Variants in TMEM156 observed in about 807,000 individuals in gnomAD.
TMEM156 encodes transmembrane protein 156.
In TMEM156, 28 loss-of-function variants were observed where a neutral mutation model predicts 30.5. That is an observed-to-expected ratio of 0.92 (90% CI 0.68 to 1.26). The LOEUF (loss-of-function observed/expected upper bound fraction) is 1.26. Ranked by LOEUF, TMEM156 falls within the 50% of genes most tolerant of loss-of-function variation. The pLI is 0.00. For synonymous variants in TMEM156, 137 were observed against 119.9 expected (o/e 1.14, Z -0.93); for missense variants, 351 against 340.6 (o/e 1.03, Z -0.24).
chr4:39,014,073 T>C (rs1714308256), intron 1 of TMEM156, among the ~76,000 whole-genome samples: 1 of 152,224 alleles, frequency 6.6e-6, no homozygotes, highest in African/African-American at 2.4e-5. Context: ...TATTTATGGA[T>C]ACTAAACTTC....
chr4:38,972,152 G>A (rs1722629102), intron 5 of TMEM156, among the ~76,000 whole-genome samples: 2 of 151,700 alleles, frequency 1.3e-5, no homozygotes, highest in South Asian at 4.2e-4. Flanking sequence ...AATCAGAAAG[G>A]GAGATTTAGT....
intron 5 of TMEM156, among the ~76,000 whole-genome samples, chr4:38,980,432 G>A (rs1397726665): frequency 6.6e-6 from 1 of 152,224 alleles, no homozygotes; most frequent in African/African-American, 2.4e-5. Context: ...TCAATGTAGA[G>A]TTGTATTTAT....
At chr4:39,028,206 T>C (rs962009611) in intron 1 of TMEM156, among the ~76,000 whole-genome samples, 2 of 152,206 alleles carry the variant, frequency 1.3e-5, no homozygotes, top group Non-Finnish European at 2.9e-5. Context: ...GCTATTCTTA[T>C]CCTGTATTGC....
chr4:38,984,384 T>TGTGTGTGTGTG (rs1711814591), intron 5 of TMEM156, among the ~76,000 whole-genome samples: 1 of 143,164 alleles, frequency 7.0e-6, no homozygotes, highest in African/African-American at 2.8e-5. Flanking sequence ...TGTGTGTGTG[T>TGTGTGTGTGTG]TGAACAATAC....
intron 5 of TMEM156, among the ~76,000 whole-genome samples, chr4:38,984,185 C>T (rs570344665): frequency 2.0e-5 from 3 of 152,300 alleles, no homozygotes; most frequent in African/African-American, 7.2e-5. Flanking sequence ...GCATTTATTC[C>T]ATCAGTGTCC....
intron 1 of TMEM156, among the ~76,000 whole-genome samples, chr4:39,003,068 AC>A (rs1713489407): frequency 6.6e-6 from 1 of 151,998 alleles, no homozygotes; most frequent in Admixed American, 6.6e-5. Context: ...TAAAATAATT[AC>A]CCCTACTCAT....
chr4:38,981,206 G>A (rs1711520971), intron 5 of TMEM156, among the ~76,000 whole-genome samples: 2 of 152,258 alleles, frequency 1.3e-5, no homozygotes, highest in South Asian at 4.1e-4. Flanking sequence ...GTTGAAACCT[G>A]CTTAGTATTT....
chr4:38,975,602 C>G (rs1460362224), intron 5 of TMEM156, among the ~76,000 whole-genome samples: 1 of 151,952 alleles, frequency 6.6e-6, no homozygotes, highest in Admixed American at 6.6e-5. Flanking sequence ...AGGCTGGCCT[C>G]GAACTTCTGA....
chr4:38,971,009 G>C, intron 6 of TMEM156, 23 bp downstream of exon 6: 1 of 1,456,880 alleles, frequency 6.9e-7, no homozygotes, highest in South Asian at 1.2e-5. Context: ...TGAAGAAGTC[G>C]ATAAAGCCGA....
At chr4:39,026,798 G>A (rs7676798) in intron 1 of TMEM156, among the ~76,000 whole-genome samples, 10,981 of 151,914 alleles carry the variant, frequency 0.072, 614 homozygotes, top group South Asian at 0.25. Context: ...ATGGTGGTGC[G>A]TGCCTGTAGT....
rs199809036 is a variant in TMEM156 at position 38,992,761 on chromosome 4, TA to T, written c.619+976del. ...ATATATAATATATTATATATATATA[TA>T]TTTTTTTTTGTCTTTTCAAGACAGA... On this transcript the variant is annotated intron_variant, in intron 3 of 6. Transcript: ENST00000381938. 6.0e-3 allele frequency among the ~76,000 whole-genome samples: 456 copies of T among 76,028 alleles called. 5 individuals are homozygous for T. The highest frequency in any genetic ancestry group is 0.021 in the African/African-American group (406 of 19,492). 49.9% of individuals were successfully genotyped at this position (76,028 alleles called of 152,430 possible). A position where few individuals can be genotyped will look rare whatever the true frequency, so the allele number is the denominator to read the frequency against.
chr4:39,006,079 A>T (rs1367296273), intron 1 of TMEM156, among the ~76,000 whole-genome samples: 1 of 152,158 alleles, frequency 6.6e-6, no homozygotes, highest in Non-Finnish European at 1.5e-5. Context: ...TATTTTTAAT[A>T]GAGATGAAGT....
In TMEM156 at chr4:38,992,675, TAATATATTATATAATATATTATATAA is replaced by T. The variant is rs1560366563; in HGVS notation, c.619+1037_619+1062del. Reference sequence around the variant, plus strand: ...TATCACAATGTGCTACATATATATATAATATATTATATAATATATTATATAATATATATATATTATATATATATAAT... The same window carrying T: ...TATCACAATGTGCTACATATATATATTATATATATATTATATATATATAAT... On this transcript the variant is annotated intron_variant, in intron 3 of 6. Transcript: ENST00000381938. Among the ~76,000 whole-genome samples the T allele has an allele frequency of 6.5e-4, 31 of 47,650 alleles. 1 individual carries two copies. The highest frequency in any genetic ancestry group is 7.6e-4 in the Non-Finnish European group (17 of 22,368). 31.3% of individuals were successfully genotyped at this position (47,650 alleles called of 152,430 possible). A position where few individuals can be genotyped will look rare whatever the true frequency, so the allele number is the denominator to read the frequency against.
rs199757280 is a variant in TMEM156 at position 38,998,704 on chromosome 4, G to A, written c.294C>T (p.Ser98=). 197 of 1,613,558 alleles carry A rather than the reference G, an allele frequency of 1.2e-4. No individual in the cohort carries two copies. Among genetic ancestry groups the A allele is most frequent in the Non-Finnish European group, 1.6e-4 (186 of 1,179,830 alleles). The part of the protein sequence containing the change: ...QDITGEFKMC[S]SCLVCESKGN... Reference sequence around the variant, plus strand: ...CTTTAGACTCACAAACCAAACACGAGGAGCACATTTTAAATTCACCTGTGA... The same window carrying A: ...CTTTAGACTCACAAACCAAACACGAAGAGCACATTTTAAATTCACCTGTGA... The change falls in exon 2 of 7, where the codon TCC becomes TCT. Residue 98 remains serine, a synonymous_variant. Transcript: ENST00000381938.
rs796879708 is a variant in TMEM156, at chr4:39,029,577, G to A, written c.88+2649C>T. 1.6e-3 allele frequency among the ~76,000 whole-genome samples: 42 copies of A among 26,796 alleles called. 19 individuals carry two copies. The highest frequency in any genetic ancestry group is 0.011 in the African/African-American group (42 of 3,758). The allele number at this position is 26,796 out of a possible 152,430, so 17.6% of individuals were successfully genotyped here. On this transcript the variant is annotated intron_variant, in intron 1 of 6. Transcript: ENST00000381938. ...AAAATACAAAAAATTAGCCGGGCGT[G>A]GTAGCGGGCGCCTGTAGTCCCAGCT...
intron 5 of TMEM156, among the ~76,000 whole-genome samples, chr4:38,978,274 A>AT (rs976704624): frequency 7.1e-4 from 108 of 152,248 alleles, no homozygotes; most frequent in African/African-American, 2.5e-3. Flanking sequence ...TTTTAAAAAA[A>AT]TACCAAGAAG....
chr4:39,004,468 C>G (rs781390855), intron 1 of TMEM156, among the ~76,000 whole-genome samples: 51 of 151,898 alleles, frequency 3.4e-4, no homozygotes, highest in Non-Finnish European at 4.6e-4. Context: ...TACCTATCAC[C>G]CAGATTAAGA....
intron 1 of TMEM156, 126 bp downstream of exon 1, chr4:39,032,100 T>A: frequency 1.6e-6 from 1 of 618,700 alleles, no homozygotes; most frequent in Non-Finnish European, 2.9e-6. Flanking sequence ...GTTTTATTAG[T>A]TTTTCAGATC....
In TMEM156 at chr4:38,971,087, G is replaced by C; in HGVS notation, c.874C>G (p.Pro292Ala). 1 of 1,613,966 alleles carries C rather than the reference G, an allele frequency of 6.2e-7. No homozygotes were observed. ...GAAGTAACTTATAGTTCTGGAATTG[G>C]GGGAAGCACTTCCTGGACTTGATCC... Reference protein sequence around the residue: ...PLDQVQEVLPPIPEL With the variant: ...PLDQVQEVLPAIPEL The change falls in exon 6 of 7, where the codon CCA (proline) becomes GCA (alanine). Residue 292 changes from proline (P) to alanine (A), a missense_variant. Transcript: ENST00000381938.
Sources: allele counts gnomAD v4.1 joint callset (sites outside exome capture counted in the v4.1 genomes callset), GRCh38; gene constraint gnomAD v4.1.1; transcripts MANE v1.5; gene names NCBI Gene and HGNC (gene_info 2026-07-23, HGNC 2026-07-21).